The following PCDHA12 variants were observed in gnomAD, a reference collection of about 807,000 sequenced individuals.
The protein encoded by PCDHA12 is protocadherin alpha 12.
In PCDHA12, 44 loss-of-function variants were observed where a neutral mutation model predicts 60.0. The observed-to-expected ratio is 0.73, with a 90% confidence interval of 0.58 to 0.94. The LOEUF is 0.94. Among genes scored for constraint, PCDHA12 ranks in the 40% least tolerant of loss-of-function variants. PCDHA12 has a pLI of 0.00. For missense variants in PCDHA12, 1,276 were observed against 1,239.7 expected (o/e 1.03, Z -0.44); for synonymous variants, 569 against 553.0 (o/e 1.03, Z -0.40).
chr5:140,884,651 T>G (rs2153405863), intron 1 of PCDHA12: 2 of 1,604,404 alleles, frequency 1.2e-6, no homozygotes, highest in Non-Finnish European at 1.7e-6. Flanking sequence ...GGACTCAGAA[T>G]GCTTGAAAGA....
intron 1 of PCDHA12, among the ~76,000 whole-genome samples, chr5:140,961,103 A>G (rs531762252): frequency 6.6e-6 from 1 of 152,254 alleles, no homozygotes; most frequent in South Asian, 2.1e-4. Context: ...TTGGTCACCC[A>G]ACCCCCTTGC....
In PCDHA12 at chr5:140,928,550, C is replaced by T. The variant is rs781857799; in HGVS notation, c.2368-50399C>T. The T allele has an allele frequency of 3.7e-6, 6 of 1,614,160 alleles. No individual in the cohort carries two copies. Among genetic ancestry groups the T allele is most frequent in the South Asian group, 3.3e-5 (3 of 91,084 alleles). On this transcript the variant is annotated intron_variant, in intron 1 of 3. Transcript: ENST00000398631. ...GTGGTAGATAGGAATGACAATTATC[C>T]GGTTATCTTGTTTCCCTTGCCCAGA...
At chr5:140,967,956 A>G in intron 1 of PCDHA12, 2 of 1,614,172 alleles carry the variant, frequency 1.2e-6, no homozygotes, top group Middle Eastern at 3.3e-4. Context: ...TCAGGCCCCA[A>G]CCGGAAAGTG....
rs1472597239 is a variant in PCDHA12, at chr5:140,928,524, TG to T, written c.2368-50424del. 16 of 1,614,070 alleles carry T rather than the reference TG, an allele frequency of 9.9e-6. No individual in the cohort carries two copies. The African/African-American group carries it at 2.1e-4, about 22-fold the overall frequency. On this transcript the variant is annotated intron_variant, in intron 1 of 3. Transcript: ENST00000398631. Reference sequence around the variant, plus strand: ...GTGCAACAGTGACTATAAACTTGTTTGTGGTAGATAGGAATGACAATTATCC... The same window carrying T: ...GTGCAACAGTGACTATAAACTTGTTTTGGTAGATAGGAATGACAATTATCC...
At chr5:140,903,608 C>G (rs2070424862) in intron 1 of PCDHA12, among the ~76,000 whole-genome samples, 1 of 152,124 alleles carries the variant, frequency 6.6e-6, no homozygotes, top group African/African-American at 2.4e-5. Flanking sequence ...GCTTAATACA[C>G]ATGAATGTGC....
chr5:140,954,673 CTT>C (rs1173553071), intron 1 of PCDHA12, among the ~76,000 whole-genome samples: 2 of 152,076 alleles, frequency 1.3e-5, no homozygotes, highest in South Asian at 4.1e-4. Flanking sequence ...GGATATTAGA[CTT>C]TTGTCAGATG....
intron 1 of PCDHA12, chr5:140,928,218 A>G: frequency 6.2e-7 from 1 of 1,614,190 alleles, no homozygotes; most frequent in East Asian, 2.2e-5. Flanking sequence ...ATGACAATAC[A>G]CCAAACTTTC....
intron 1 of PCDHA12, among the ~76,000 whole-genome samples, chr5:140,895,314 G>A (rs2064960648): frequency 6.6e-6 from 1 of 151,858 alleles, no homozygotes; most frequent in Non-Finnish European, 1.5e-5. Context: ...TTCCACCCAT[G>A]ACTATTGTTC....
At chr5:140,993,996 G>C (rs1163632974) in intron 3 of PCDHA12, among the ~76,000 whole-genome samples, 1 of 152,148 alleles carries the variant, frequency 6.6e-6, no homozygotes, top group Non-Finnish European at 1.5e-5. Flanking sequence ...CTTAGGTCAG[G>C]CCAGGCTCTG....
chr5:140,876,262 C>T lies in PCDHA12; in HGVS notation c.790C>T (p.Leu264=), dbSNP rs1554168436. 2 of 1,614,012 alleles carry T rather than the reference C, an allele frequency of 1.2e-6. No individual in the cohort carries two copies. Among genetic ancestry groups the T allele is most frequent in the South Asian group, 2.2e-5 (2 of 91,086 alleles). The change falls in exon 1 of 4, where the codon CTA becomes TTA. Residue 264 remains leucine, a synonymous_variant. Coordinates refer to ENST00000398631, the MANE Select transcript of PCDHA12 (RefSeq NM_018903.4). ...NVQNDTRVIQ[L]NASDPDEGLN... ...CCAAAACGACACAAGAGTGATCCAA[C>T]TAAATGCTTCCGATCCAGACGAAGG...
intron 1 of PCDHA12, among the ~76,000 whole-genome samples, chr5:140,880,283 A>G (rs1308508886): frequency 3.3e-5 from 5 of 152,250 alleles, no homozygotes; most frequent in African/African-American, 9.6e-5. Flanking sequence ...AAGTTTGACT[A>G]TCTTCATAGT....
chr5:140,955,846 T>G (rs1256650141), intron 1 of PCDHA12, among the ~76,000 whole-genome samples: 1 of 152,218 alleles, frequency 6.6e-6, no homozygotes, highest in African/African-American at 2.4e-5. Context: ...GTCATTCTCC[T>G]TGAAGAGGTC....
intron 1 of PCDHA12, among the ~76,000 whole-genome samples, chr5:140,879,982 T>A (rs1554171120): frequency 1.3e-5 from 2 of 152,226 alleles, no homozygotes; most frequent in Non-Finnish European, 2.9e-5. Context: ...CCTTTCAAGA[T>A]CCTTAACTTA....
At chr5:140,995,592 A>G (rs2097690478) in intron 3 of PCDHA12, among the ~76,000 whole-genome samples, 1 of 152,212 alleles carries the variant, frequency 6.6e-6, no homozygotes, top group East Asian at 1.9e-4. Context: ...CTTTTAACTT[A>G]GTGTTTTTCT....
chr5:140,908,880 A>C (rs1342304863), intron 1 of PCDHA12, among the ~76,000 whole-genome samples: 1 of 152,204 alleles, frequency 6.6e-6, no homozygotes, highest in Non-Finnish European at 1.5e-5. Context: ...TCCAAAATCC[A>C]ATAGTCCCAA....
intron 1 of PCDHA12, among the ~76,000 whole-genome samples, chr5:140,886,846 AAG>A (rs1345370045): frequency 2.0e-5 from 3 of 151,444 alleles, no homozygotes; most frequent in Admixed American, 6.6e-5. Context: ...AAAAAAAAAA[AAG>A]AAAGGTCTTC....
chr5:140,964,812 T>C (rs2095855698), intron 1 of PCDHA12, among the ~76,000 whole-genome samples: 1 of 151,914 alleles, frequency 6.6e-6, no homozygotes, highest in Non-Finnish European at 1.5e-5. Flanking sequence ...GAGACAGGAA[T>C]AGATTTTGAT....
intron 1 of PCDHA12, chr5:140,883,598 G>T (rs782009650): frequency 1.2e-6 from 2 of 1,614,008 alleles, no homozygotes; most frequent in Middle Eastern, 1.7e-4. Flanking sequence ...CGTGTCGGTG[G>T]GGGTGGCCGA....
intron 1 of PCDHA12, among the ~76,000 whole-genome samples, chr5:140,888,860 A>C (rs1349587487): frequency 6.6e-6 from 1 of 152,086 alleles, no homozygotes; most frequent in Non-Finnish European, 1.5e-5. Flanking sequence ...GAGTGAGACC[A>C]TGTCTCAACA....
Sources: gnomAD v4.1 joint callset for allele counts (sites outside exome capture counted in the v4.1 genomes callset) on GRCh38, gnomAD v4.1.1 for gene constraint, MANE v1.5 for transcripts, NCBI Gene and HGNC (gene_info 2026-07-23, HGNC 2026-07-21) for gene names.